The following CTR9 variants were observed in gnomAD, a reference collection of about 807,000 sequenced individuals.
CTR9 encodes CTR9 component of Paf1/RNA polymerase II complex.
In CTR9, 41 loss-of-function variants were observed where a neutral mutation model predicts 152.1. That is an observed-to-expected ratio of 0.27 (90% CI 0.21 to 0.35). The LOEUF is 0.35. Among genes scored for constraint, CTR9 ranks in the 10% least tolerant of loss-of-function variants. The pLI, the probability that CTR9 is intolerant of heterozygous loss-of-function variation, is 1.00. For missense variants in CTR9, 917 were observed against 1,424.4 expected (o/e 0.64, Z 5.73); for synonymous variants, 476 against 496.2 (o/e 0.96, Z 0.54).
intron 5 of CTR9, among the ~76,000 whole-genome samples, chr11:10,759,624 A>G (rs1015449532): frequency 6.6e-6 from 1 of 152,058 alleles, no homozygotes; most frequent in African/African-American, 2.4e-5. Flanking sequence ...ATGAGAATGA[A>G]TGATCCAGTA....
chr11:10,764,707 C>T lies in CTR9; in HGVS notation c.1573C>T (p.Arg525Cys), dbSNP rs751136727. The change falls in exon 12 of 25, where the codon CGC becomes TGC. Residue 525 changes from arginine (R) to cysteine (C), a missense_variant. Transcript: ENST00000361367. Reference sequence around the variant, plus strand: ...AGAAAAACTGTATAAAAACATCTTACGCGAACATCCTAATTATGTTGACTG... The same window carrying T: ...AGAAAAACTGTATAAAAACATCTTATGCGAACATCCTAATTATGTTGACTG... ...EAEKLYKNIL[R>C]EHPNYVDCYL... 6.2e-7 allele frequency: 1 copy of T among 1,605,266 alleles called. No individual in the cohort carries two copies. Among genetic ancestry groups the T allele is most frequent in the Non-Finnish European group, 8.5e-7 (1 of 1,172,804 alleles).
In CTR9 at chr11:10,778,788, G is replaced by C; in HGVS notation, c.3205G>C (p.Glu1069Gln). The part of the protein sequence containing the change: ...SDENQNKSGS[E>Q]AGSPRRPRRQ... The stretch of plus-strand genomic sequence containing the variant: ...TGAGAACCAGAACAAGTCTGGCAGC[G>C]AGGCCGGCAGTCCCCGGAGGCCACG... The change falls in exon 25 of 25, where the codon GAG (glutamate) becomes CAG (glutamine). Residue 1069 changes from glutamate (E) to glutamine (Q), a missense_variant. By Grantham distance (29) the Glu-to-Gln change is conservative. Coordinates refer to ENST00000361367, the MANE Select transcript of CTR9 (RefSeq NM_014633.5). The C allele has an allele frequency of 6.2e-7, 1 of 1,614,208 alleles. No homozygotes were observed. The highest frequency in any genetic ancestry group is 8.5e-7 in the Non-Finnish European group (1 of 1,180,036).
intron 16 of CTR9, among the ~76,000 whole-genome samples, chr11:10,769,109 T>C (rs1156581754): frequency 6.6e-6 from 1 of 151,984 alleles, no homozygotes; most frequent in Non-Finnish European, 1.5e-5. Flanking sequence ...TAATCCCAGC[T>C]TACTCAGGAA....
At position 10,779,233 on chromosome 11, in the gene CTR9, T is replaced by C. The variant is rs1863293266; in HGVS notation, c.*128T>C. 4.5e-6 allele frequency: 4 copies of C among 894,518 alleles called. No individual in the cohort carries two copies. The Admixed American group carries it at 1.2e-4, about 26-fold the overall frequency. The allele number at this position is 894,518 out of a possible 1,614,324, so 55.4% of individuals were successfully genotyped here. A position where few individuals can be genotyped will look rare whatever the true frequency, so the allele number is the denominator to read the frequency against. On this transcript the variant is annotated 3_prime_UTR_variant, in exon 25 of 25. Coordinates refer to ENST00000361367, the MANE Select transcript of CTR9 (RefSeq NM_014633.5). ...TTAAGGCAATTTTCTTTTCTATCAG[T>C]TTGTATATTACTAAGCCCCAAGAGA...
At position 10,755,663 on chromosome 11, in the gene CTR9, T is replaced by C. The variant is rs1426920070; in HGVS notation, c.385-15T>C. The C allele has an allele frequency of 6.5e-7, 1 of 1,531,086 alleles. No individual in the cohort carries two copies. The highest frequency in any genetic ancestry group is 1.1e-5 in the South Asian group (1 of 89,136). The allele number at this position is 1,531,086 out of a possible 1,614,324, so 94.8% of individuals were successfully genotyped here. ...TATATAGGGGTAAAATCTAAGATAA[T>C]ACATTACTTCATAGAACCATTTGTT... On this transcript the variant is annotated splice_polypyrimidine_tract_variant and intron_variant, in intron 3 of 24. Coordinates refer to ENST00000361367, the MANE Select transcript of CTR9 (RefSeq NM_014633.5).
At chr11:10,773,088 T>C in intron 20 of CTR9, 39 bp from the exon 21 acceptor site, 1 of 1,573,112 alleles carries the variant, frequency 6.4e-7, no homozygotes, top group South Asian at 1.2e-5. Flanking sequence ...CATAAGAAAA[T>C]TTGCAGTGGG....
Position 10,766,460 on chromosome 11 carries a change from T to C in CTR9, c.1656T>C (p.Asp552=), listed in dbSNP as rs760671966. The C allele has an allele frequency of 1.2e-6, 2 of 1,610,788 alleles. No individual in the cohort carries two copies. Among genetic ancestry groups the C allele is most frequent in the Non-Finnish European group, 1.7e-6 (2 of 1,179,152 alleles). ...RDKGNFYEAS[D]WFKEALQINQ... Reference sequence around the variant, plus strand: ...AGGGAAACTTTTATGAGGCTTCAGATTGGTTTAAGGAAGCTCTTCAGATTA... The same window carrying C: ...AGGGAAACTTTTATGAGGCTTCAGACTGGTTTAAGGAAGCTCTTCAGATTA... The change falls in exon 13 of 25, where the codon GAT becomes GAC. Residue 552 remains aspartate (D), a synonymous_variant. Transcript: ENST00000361367.
chr11:10,763,336 T>C (rs1863007456), intron 7 of CTR9, 95 bp from the exon 8 acceptor site: 1 of 803,410 alleles, frequency 1.2e-6, no homozygotes, highest in East Asian at 2.5e-5. Flanking sequence ...GATGGAAATG[T>C]ATCTTACAGG....
At chr11:10,763,091 T>C (rs1168550152) in intron 7 of CTR9, among the ~76,000 whole-genome samples, 1 of 150,946 alleles carries the variant, frequency 6.6e-6, no homozygotes, top group African/African-American at 2.4e-5. Flanking sequence ...TATTCCCATT[T>C]TGTGGGTGGA....
intron 2 of CTR9, among the ~76,000 whole-genome samples, 159 bp downstream of exon 2, chr11:10,752,929 G>A (rs1400177560): frequency 1.3e-5 from 2 of 152,152 alleles, no homozygotes; most frequent in African/African-American, 4.8e-5. Context: ...CAATAAGGCC[G>A]TTTTCCTAAA....
At chr11:10,776,789 A>G (rs1863241982) in intron 24 of CTR9, among the ~76,000 whole-genome samples, 2 of 152,106 alleles carry the variant, frequency 1.3e-5, no homozygotes, top group Admixed American at 6.5e-5. Flanking sequence ...CCTGGCTAAC[A>G]TGGCAAAACC....
In CTR9 at chr11:10,754,830, C is replaced by A. The variant is rs1281938745; in HGVS notation, c.145-128C>A. On this transcript the variant is annotated intron_variant, in intron 2 of 24. Transcript: ENST00000361367. Reference sequence around the variant, plus strand: ...CACCACAGCTTGTTTATCCATTCACCTGTTAATCAACATTTTGATTGTTTC... The same window carrying A: ...CACCACAGCTTGTTTATCCATTCACATGTTAATCAACATTTTGATTGTTTC... 1.5e-5 allele frequency: 14 copies of A among 911,104 alleles called. No homozygotes were observed. The Admixed American group carries it at 3.5e-4, about 23-fold the overall frequency. 56.4% of individuals were successfully genotyped at this position (911,104 alleles called of 1,614,324 possible). A position where few individuals can be genotyped will look rare whatever the true frequency, so the allele number is the denominator to read the frequency against.
At chr11:10,755,564 A>G (rs879515131) in intron 3 of CTR9, 114 bp from the exon 4 acceptor site, 42 of 641,674 alleles carry the variant, frequency 6.5e-5, no homozygotes, top group Non-Finnish European at 1.0e-4. Context: ...AGCACGTTAC[A>G]TTTGATAGGG....
chr11:10,753,865 C>T (rs928518648), intron 2 of CTR9, among the ~76,000 whole-genome samples: 1 of 152,120 alleles, frequency 6.6e-6, no homozygotes, highest in African/African-American at 2.4e-5. Context: ...CAAGTCCCGG[C>T]ATGGCTGCTA....
At chr11:10,753,172 C>G (rs1284373093) in intron 2 of CTR9, among the ~76,000 whole-genome samples, 1 of 152,110 alleles carries the variant, frequency 6.6e-6, no homozygotes, top group Non-Finnish European at 1.5e-5. Flanking sequence ...TGATTAGGTT[C>G]TGGGAAAATC....
intron 2 of CTR9, among the ~76,000 whole-genome samples, 169 bp from the exon 3 acceptor site, chr11:10,754,789 A>G (rs756204077): frequency 6.6e-6 from 1 of 152,192 alleles, no homozygotes; most frequent in Non-Finnish European, 1.5e-5. Flanking sequence ...GTAGGATAGT[A>G]TCCATTTTAT....
At chr11:10,771,961 A>G (rs1863149391) in intron 19 of CTR9, among the ~76,000 whole-genome samples, 1 of 152,160 alleles carries the variant, frequency 6.6e-6, no homozygotes, top group Admixed American at 6.5e-5. Context: ...TAGTTTGGAA[A>G]CTTAACATAG....
In CTR9 at chr11:10,775,503, A is replaced by G; in HGVS notation, c.2983-18A>G. ...ATGTAAGAGTCTTGACTAATCTATTATGTTTGACATTCTTTAGCCCAAGCC... is the reference window on the plus strand; with the variant it reads ...ATGTAAGAGTCTTGACTAATCTATTGTGTTTGACATTCTTTAGCCCAAGCC... On this transcript the variant is annotated intron_variant, in intron 23 of 24. Transcript: ENST00000361367. 2 of 1,592,844 alleles carry G rather than the reference A, an allele frequency of 1.3e-6. No homozygotes were observed. The highest frequency in any genetic ancestry group is 2.2e-5 in the East Asian group (1 of 44,584).
chr11:10,772,443 G>A (rs1863159009), intron 19 of CTR9, 77 bp from the exon 20 acceptor site: 1 of 1,233,892 alleles, frequency 8.1e-7, no homozygotes, highest in Middle Eastern at 2.1e-4. Flanking sequence ...TTTTTAATTT[G>A]TATAAGGAAA....
Sources: allele counts gnomAD v4.1 joint callset (sites outside exome capture counted in the v4.1 genomes callset), GRCh38; gene constraint gnomAD v4.1.1; transcripts MANE v1.5; gene names NCBI Gene and HGNC (gene_info 2026-07-23, HGNC 2026-07-21).